The following DENND4C variants were observed in gnomAD, a reference collection of about 807,000 sequenced individuals.
The protein encoded by DENND4C is DENN domain-containing protein 4C.
DENND4C carries 108 observed loss-of-function variants against 203.0 expected under a neutral mutation model. That is an observed-to-expected ratio of 0.53 (90% confidence interval 0.46 to 0.62). The LOEUF (loss-of-function observed/expected upper bound fraction) is 0.62, where lower values mean the gene tolerates loss of function less well. DENND4C is among the 20% of genes least tolerant of loss of function. The pLI is 0.00. For missense variants in DENND4C, 2,481 were observed against 2,301.2 expected (o/e 1.08, Z -1.60); for synonymous variants, 871 against 792.4 (o/e 1.10, Z -1.67).
At chr9:19,292,501 A>C (rs944123261) in intron 5 of DENND4C, 2 of 152,072 alleles carry the variant, frequency 1.3e-5, no homozygotes, top group East Asian at 3.9e-4. Context: ...ATTCAGTATA[A>C]AAAGCTGATA....
At chr9:19,350,033 CAAGG>C (rs1823730562) in intron 23 of DENND4C, among the ~76,000 whole-genome samples, 1 of 152,016 alleles carries the variant, frequency 6.6e-6, no homozygotes, top group Non-Finnish European at 1.5e-5. Flanking sequence ...GGTTTTATAA[CAAGG>C]AAGACACAAA....
In DENND4C at chr9:19,370,114, T is replaced by C. The variant is rs1294413219; in HGVS notation, c.5675+127T>C. The C allele has an allele frequency of 2.6e-6, 3 of 1,134,434 alleles. No individual in the cohort carries two copies. In the Admixed American group the frequency reaches 5.9e-5, roughly 22 times the overall value. 70.3% of individuals were successfully genotyped at this position (1,134,434 alleles called of 1,614,324 possible). ...ACTCATTGCAAAACATCTATTGTTT[T>C]AAGTGCTACACAGATATATACATTC... On this transcript the variant is annotated intron_variant, in intron 31 of 32. Transcript: ENST00000434457.
rs760380795 is a variant in DENND4C at position 19,332,113 on chromosome 9, G to A, written c.2389G>A (p.Val797Ile). ...CTATGTTAGAGTTTCTCATCCTAAA[G>A]TCAGAGCACTTCAGCAGGCATATGA... ...PAYVRVSHPK[V>I]RALQQAYDVL... The change falls in exon 17 of 33, where the codon GTC (valine) becomes ATC (isoleucine). Residue 797 changes from valine (V) to isoleucine (I), a missense_variant. Physicochemically the swap from Val to Ile is conservative, Grantham distance 29. Transcript: ENST00000434457. The A allele has an allele frequency of 2.5e-6, 4 of 1,614,038 alleles. No homozygotes were observed. The highest frequency in any genetic ancestry group is 1.7e-4 in the Middle Eastern group (1 of 6,060).
Position 19,346,844 on chromosome 9 carries a change from T to C in DENND4C, c.4075T>C (p.Phe1359Leu), listed in dbSNP as rs1427195124. The C allele has an allele frequency of 1.2e-6, 2 of 1,614,190 alleles. No individual in the cohort carries two copies. The highest frequency in any genetic ancestry group is 2.2e-5 in the South Asian group (2 of 91,086). ...CAGGTCTAAAACTTTTACTGGGCGT[T>C]TCAAGCAGCAAACCCCCTCTCGAAC... ...VSRSKTFTGR[F>L]KQQTPSRTHK... The change falls in exon 23 of 33, where the codon TTC (phenylalanine) becomes CTC (leucine). Residue 1359 changes from phenylalanine to leucine, a missense_variant. Coordinates refer to ENST00000434457, the MANE Select transcript of DENND4C (RefSeq NM_001330640.2).
At chr9:19,303,938 A>G (rs1588879894) in intron 9 of DENND4C, among the ~76,000 whole-genome samples, 1 of 151,052 alleles carries the variant, frequency 6.6e-6, no homozygotes, top group Non-Finnish European at 1.5e-5. Context: ...GCCTTGAACT[A>G]CTGGCCTCAA....
chr9:19,343,348 T>C (rs6475321), intron 22 of DENND4C, among the ~76,000 whole-genome samples: 43,359 of 152,026 alleles, frequency 0.29, 6,908 homozygotes, highest in Middle Eastern at 0.48. Flanking sequence ...TATATATAGG[T>C]CTCCCAAGAC....
chr9:19,246,304 TCACTTTAAATTTATGACC>T (rs1341949788), intron 1 of DENND4C, among the ~76,000 whole-genome samples: 1 of 152,216 alleles, frequency 6.6e-6, no homozygotes, highest in African/African-American at 2.4e-5. Context: ...CTAGCTCGTC[TCACTTTAAATTTATGACC>T]ACACATATCT....
In DENND4C at chr9:19,358,917, C is replaced by T. The variant is rs184300322; in HGVS notation, c.5160+757C>T. On this transcript the variant is annotated intron_variant, in intron 28 of 32. Coordinates refer to ENST00000434457, the MANE Select transcript of DENND4C (RefSeq NM_001330640.2). The surrounding 1 kb of genome is among the most constrained non-coding windows in gnomAD (Gnocchi z 4.8). ...CGATTTCATCAGTGGTGGTATGTTCCTCCCAGCAGGAGACATAAACATTAG... is the reference window on the plus strand; with the variant it reads ...CGATTTCATCAGTGGTGGTATGTTCTTCCCAGCAGGAGACATAAACATTAG... 6.6e-6 allele frequency among the ~76,000 whole-genome samples: 1 copy of T among 151,794 alleles called. No homozygotes were observed. Among genetic ancestry groups the T allele is most frequent in the Admixed American group, 6.5e-5 (1 of 15,278 alleles).
intron 12 of DENND4C, among the ~76,000 whole-genome samples, chr9:19,322,704 C>G (rs977711005): frequency 6.8e-6 from 1 of 146,244 alleles, no homozygotes; most frequent in East Asian, 2.0e-4. Context: ...TGCACTCCAG[C>G]CTGGGCAATA....
chr9:19,319,130 C>T (rs1842334802), intron 12 of DENND4C, among the ~76,000 whole-genome samples: 1 of 150,268 alleles, frequency 6.7e-6, no homozygotes, highest in African/African-American at 2.4e-5. Context: ...GATCACTGTA[C>T]TCCAGCCTGG....
intron 4 of DENND4C, among the ~76,000 whole-genome samples, chr9:19,290,319 A>C (rs1039602529): frequency 2.0e-5 from 3 of 152,158 alleles, no homozygotes; most frequent in Non-Finnish European, 4.4e-5. Flanking sequence ...ATTATTTCAT[A>C]ACACTTGTCT....
At chr9:19,347,229 TC>T (rs1207267488) in intron 23 of DENND4C, 143 bp downstream of exon 23, 103 of 785,588 alleles carry the variant, frequency 1.3e-4, no homozygotes, top group Non-Finnish European at 1.6e-5. Context: ...AACCTCTGCC[TC>T]CCGGCTTTGA....
intron 8 of DENND4C, 76 bp from the exon 9 acceptor site, chr9:19,300,111 T>TA: frequency 7.2e-7 from 1 of 1,397,228 alleles, no homozygotes; most frequent in Non-Finnish European, 9.6e-7. Flanking sequence ...AATCTGTTGA[T>TA]ACTTTAATAA....
intron 31 of DENND4C, 118 bp from the exon 32 acceptor site, chr9:19,371,638 A>T (rs926476014): frequency 5.2e-6 from 3 of 577,506 alleles, no homozygotes; most frequent in African/African-American, 1.9e-5. Flanking sequence ...CAGGACATTG[A>T]CATAGTTATA....
intron 17 of DENND4C, among the ~76,000 whole-genome samples, chr9:19,333,477 G>C (rs573097279): frequency 6.6e-6 from 1 of 152,214 alleles, no homozygotes; most frequent in East Asian, 1.9e-4. Flanking sequence ...TCTACCAACT[G>C]TATGCCTCTC....
intron 1 of DENND4C, among the ~76,000 whole-genome samples, chr9:19,259,445 C>CT: frequency 6.7e-6 from 1 of 150,186 alleles, no homozygotes; most frequent in African/African-American, 2.4e-5. Context: ...CAATCTTGCT[C>CT]TTTTTTATGG....
At chr9:19,249,778 C>T (rs1049737090) in intron 1 of DENND4C, among the ~76,000 whole-genome samples, 13 of 152,130 alleles carry the variant, frequency 8.5e-5, no homozygotes, top group African/African-American at 2.9e-4. Context: ...TTGCCTCAGC[C>T]TCCTGTGTAG....
At chr9:19,270,850 A>G (rs1831497068) in intron 1 of DENND4C, among the ~76,000 whole-genome samples, 1 of 152,254 alleles carries the variant, frequency 6.6e-6, no homozygotes, top group Non-Finnish European at 1.5e-5. Flanking sequence ...AATCTACAAA[A>G]TTGCTCTAAA....
At position 19,298,042 on chromosome 9, in the gene DENND4C, A is replaced by ATT; in HGVS notation, c.1041-6_1041-5dup. 6.4e-7 allele frequency: 1 copy of ATT among 1,573,806 alleles called. No individual in the cohort carries two copies. The highest frequency in any genetic ancestry group is 8.7e-7 in the Non-Finnish European group (1 of 1,152,380). On this transcript the variant is annotated splice_polypyrimidine_tract_variant and intron_variant, in intron 6 of 32. Coordinates refer to ENST00000434457, the MANE Select transcript of DENND4C (RefSeq NM_001330640.2). ...AAAGTAATTATTATATTTATTTCAAATTTTTTTTTCTAGGCACATTTCACA... is the reference window on the plus strand; with the variant it reads ...AAAGTAATTATTATATTTATTTCAAATTTTTTTTTTTCTAGGCACATTTCACA...
Sources: allele counts gnomAD v4.1 joint callset (sites outside exome capture counted in the v4.1 genomes callset), GRCh38; gene constraint gnomAD v4.1.1; non-coding constraint Gnocchi (gnomAD v3.1); transcripts MANE v1.5; gene names NCBI Gene and HGNC (gene_info 2026-07-23, HGNC 2026-07-21).